The following GAB2 variants were observed in gnomAD, a reference collection of about 807,000 sequenced individuals.
The protein encoded by GAB2 is GRB2 associated binding protein 2.
Under a neutral mutation model 65.5 loss-of-function variants are expected in GAB2, and 26 were observed. The ratio of observed to expected loss-of-function variants is 0.40; its 90% CI spans 0.29 to 0.55. GAB2 has a LOEUF of 0.55. GAB2 is among the 20% of genes least tolerant of loss of function. The pLI, the probability that GAB2 is intolerant of heterozygous loss-of-function variation, is 0.53. For synonymous variants in GAB2, 321 were observed against 329.6 expected (o/e 0.97, Z 0.28); for missense variants, 884 against 875.8 (o/e 1.01, Z -0.12).
chr11:78,252,522 T>C (rs114711417), intron 2 of GAB2, among the ~76,000 whole-genome samples: 1,705 of 152,132 alleles, frequency 0.011, 30 homozygotes, highest in African/African-American at 0.032. Flanking sequence ...CTGGTGAGAT[T>C]CTGTATTCTC....
intron 2 of GAB2, among the ~76,000 whole-genome samples, chr11:78,259,175 C>T (rs1472809683): frequency 6.6e-6 from 1 of 152,282 alleles, no homozygotes; most frequent in East Asian, 1.9e-4. Context: ...CTTTTAATAT[C>T]TTTATCCCTC....
chr11:78,410,381 G>T (rs1339736753), intron 1 of GAB2, among the ~76,000 whole-genome samples: 1 of 152,172 alleles, frequency 6.6e-6, no homozygotes, highest in East Asian at 1.9e-4. Flanking sequence ...GCACATGCCT[G>T]CAATCCCAGC....
chr11:78,276,932 C>T (rs560617020), intron 2 of GAB2, among the ~76,000 whole-genome samples: 7 of 152,304 alleles, frequency 4.6e-5, no homozygotes, highest in Non-Finnish European at 1.0e-4. Flanking sequence ...ATTCTCCTGC[C>T]TCAGCCTCCC....
chr11:78,409,531 C>T (rs1227956366), intron 1 of GAB2, among the ~76,000 whole-genome samples: 1 of 152,128 alleles, frequency 6.6e-6, no homozygotes, highest in African/African-American at 2.4e-5. Flanking sequence ...TTGCGGAGAG[C>T]TGAGATCATG....
intron 4 of GAB2, 90 bp downstream of exon 4, chr11:78,226,375 C>G: frequency 9.6e-7 from 1 of 1,037,202 alleles, no homozygotes; most frequent in Admixed American, 1.7e-5. Flanking sequence ...AAGTTCCCCT[C>G]GGCCATGGAT....
chr11:78,405,216 A>G (rs1209052767), intron 1 of GAB2, among the ~76,000 whole-genome samples: 1 of 149,904 alleles, frequency 6.7e-6, no homozygotes, highest in Admixed American at 6.8e-5. Context: ...CTCCTGCCTC[A>G]GACTCCTGAG....
chr11:78,263,298 C>T (rs1379108249), intron 2 of GAB2, among the ~76,000 whole-genome samples: 1 of 152,142 alleles, frequency 6.6e-6, no homozygotes, highest in Non-Finnish European at 1.5e-5. Context: ...ACCTTAGGCA[C>T]AAACAATGTG....
chr11:78,238,192 G>A (rs940146909), intron 3 of GAB2, among the ~76,000 whole-genome samples: 19 of 108,254 alleles, frequency 1.8e-4, no homozygotes, highest in Non-Finnish European at 2.8e-4. Flanking sequence ...TAAAATAAAA[G>A]TTGAGGGAAG....
At chr11:78,267,021 C>A (rs1865890437) in intron 2 of GAB2, among the ~76,000 whole-genome samples, 1 of 152,162 alleles carries the variant, frequency 6.6e-6, no homozygotes, top group African/African-American at 2.4e-5. Flanking sequence ...ACATGCAACC[C>A]AGAAGCCTTC....
chr11:78,232,967 A>G (rs1349620917), intron 3 of GAB2, among the ~76,000 whole-genome samples: 2 of 151,830 alleles, frequency 1.3e-5, no homozygotes, highest in Admixed American at 6.6e-5. Context: ...AGCACCTAGT[A>G]TATAATGTGA....
chr11:78,399,979 T>C (rs936242772), intron 1 of GAB2, among the ~76,000 whole-genome samples: 22 of 152,204 alleles, frequency 1.4e-4, no homozygotes, highest in African/African-American at 5.3e-4. Context: ...ATTGTCAATA[T>C]ACACTGACAT....
At chr11:78,323,509 C>T (rs1235742262) in intron 1 of GAB2, among the ~76,000 whole-genome samples, 4 of 151,896 alleles carry the variant, frequency 2.6e-5, no homozygotes, top group African/African-American at 9.7e-5. Context: ...GGCTCCGTCT[C>T]CCCAATTCAA....
intron 1 of GAB2, among the ~76,000 whole-genome samples, chr11:78,392,986 C>T (rs1317390136): frequency 6.6e-6 from 1 of 152,174 alleles, no homozygotes; most frequent in Non-Finnish European, 1.5e-5. Flanking sequence ...GATGACTATC[C>T]TTGAGAAGTC....
At chr11:78,377,350 C>T (rs939662454) in intron 1 of GAB2, among the ~76,000 whole-genome samples, 1 of 152,064 alleles carries the variant, frequency 6.6e-6, no homozygotes, top group Admixed American at 6.6e-5. Flanking sequence ...CAGAAAAAGG[C>T]GACTGGATGG....
rs11237434 is a variant in GAB2, at chr11:78,270,321, G to A, written c.376+10280C>T. On this transcript the variant is annotated intron_variant, in intron 2 of 9. Coordinates refer to ENST00000361507, the MANE Select transcript of GAB2 (RefSeq NM_080491.3). ...TGCACTCCAGCCTGGGCAACAGAGC[G>A]AGACTCCGTCTTAAAAAAAAAAAAA... Among the ~76,000 whole-genome samples, 35 of 147,316 alleles carry A rather than the reference G, an allele frequency of 2.4e-4. No individual in the cohort carries two copies. The South Asian group carries it at 3.1e-3, about 13-fold the overall frequency.
At chr11:78,292,244 A>G (rs1221218933) in intron 1 of GAB2, among the ~76,000 whole-genome samples, 1 of 152,184 alleles carries the variant, frequency 6.6e-6, no homozygotes, top group Non-Finnish European at 1.5e-5. Flanking sequence ...TACCCTCTTC[A>G]GAAAGCGGGA....
chr11:78,223,683 AGAG>A lies in GAB2; in HGVS notation c.1303-10_1303-8del. On this transcript the variant is annotated splice_polypyrimidine_tract_variant and splice_region_variant and intron_variant, in intron 5 of 9. Transcript: ENST00000361507. ...CCACAATCATTTTCCCTGGCTAGGG[AGAG>A]GAACAGTGAAAGAAATACAGCTGTT... 10 of 1,581,926 alleles carry A rather than the reference AGAG, an allele frequency of 6.3e-6. No individual in the cohort carries two copies. The highest frequency in any genetic ancestry group is 6.9e-6 in the Non-Finnish European group (8 of 1,163,082).
At chr11:78,310,503 G>A in intron 1 of GAB2, among the ~76,000 whole-genome samples, 1 of 125,742 alleles carries the variant, frequency 8.0e-6, no homozygotes, top group Admixed American at 9.6e-5. Context: ...GACAGAGCAA[G>A]ACTCTGTCTC....
At position 78,226,588 on chromosome 11, in the gene GAB2, C is replaced by T. The variant is rs753621005; in HGVS notation, c.1084G>A (p.Glu362Lys). The T allele has an allele frequency of 8.0e-7, 1 of 1,256,578 alleles. No homozygotes were observed. Among genetic ancestry groups the T allele is most frequent in the Admixed American group, 2.0e-5 (1 of 51,140 alleles). 77.8% of individuals were successfully genotyped at this position (1,256,578 alleles called of 1,614,324 possible). A position where few individuals can be genotyped will look rare whatever the true frequency, so the allele number is the denominator to read the frequency against. The change falls in exon 4 of 10, where the codon GAA (glutamate) becomes AAA (lysine). Residue 362 changes from glutamate (E) to lysine (K), a missense_variant. By Grantham distance (56) the Glu-to-Lys change is moderately conservative. Coordinates refer to ENST00000361507, the MANE Select transcript of GAB2 (RefSeq NM_080491.3). ...TGAGGACTGCCCCATCGAGGTGTTT[C>T]TGCCTGACTTGGCTTGGGGGGGCGG... ...PPRPPKPSQAETPRWGSPQQR... is the reference protein window; with the variant it reads ...PPRPPKPSQAKTPRWGSPQQR...
Sources: gnomAD v4.1 joint callset for allele counts (sites outside exome capture counted in the v4.1 genomes callset) on GRCh38, gnomAD v4.1.1 for gene constraint, MANE v1.5 for transcripts, NCBI Gene and HGNC (gene_info 2026-07-23, HGNC 2026-07-21) for gene names.